The following RNF152 variants were observed in gnomAD, a reference collection of about 807,000 sequenced individuals.
RNF152 encodes E3 ubiquitin-protein ligase RNF152.
In RNF152, 11 loss-of-function variants were observed where a neutral mutation model predicts 12.7. The ratio of observed to expected loss-of-function variants is 0.86; its 90% CI spans 0.54 to 1.43. RNF152 has a LOEUF of 1.43. RNF152 is among the 40% of genes most tolerant of loss of function. The pLI is 0.00. For synonymous variants in RNF152, 113 were observed against 120.3 expected (o/e 0.94, Z 0.40); for missense variants, 255 against 274.8 (o/e 0.93, Z 0.51).
chr18:61,844,413 A>G (rs576188457), intron 1 of RNF152, among the ~76,000 whole-genome samples: 1 of 152,358 alleles, frequency 6.6e-6, no homozygotes, highest in East Asian at 1.9e-4. Flanking sequence ...GTAACAGACT[A>G]TTGGAAAATC....
chr18:61,824,424 C>T (rs1909565991), intron 1 of RNF152, among the ~76,000 whole-genome samples: 1 of 152,356 alleles, frequency 6.6e-6, no homozygotes, highest in African/African-American at 2.4e-5. Flanking sequence ...TTATTCTATG[C>T]TTCTCATCCC....
intron 1 of RNF152, among the ~76,000 whole-genome samples, chr18:61,880,088 G>GC (rs1481558823): frequency 1.3e-5 from 2 of 152,002 alleles, no homozygotes; most frequent in Non-Finnish European, 2.9e-5. Context: ...CAATTAAGTG[G>GC]CCCTTCTAGA....
Position 61,844,233 on chromosome 18 carries a change from G to A in RNF152, c.-135-27635C>T, listed in dbSNP as rs544531188. On this transcript the variant is annotated intron_variant, in intron 1 of 1. Transcript: ENST00000312828. ...AAGGAGGGAGGGAAGGAGGGAGACG[G>A]GAGGGGAGGGGAGGGCAGGCCCCAT... is the stretch of plus-strand genomic sequence containing the variant. 2.2e-5 allele frequency among the ~76,000 whole-genome samples: 3 copies of A among 139,494 alleles called. 1 individual carries two copies. The highest frequency in any genetic ancestry group is 4.4e-5 in the Non-Finnish European group (3 of 67,518). 91.5% of individuals were successfully genotyped at this position (139,494 alleles called of 152,430 possible).
At chr18:61,851,030 AT>A (rs1425032499) in intron 1 of RNF152, among the ~76,000 whole-genome samples, 2 of 151,694 alleles carry the variant, frequency 1.3e-5, no homozygotes, top group Non-Finnish European at 2.9e-5. Flanking sequence ...CACCAGGTGC[AT>A]CAGCCAGTGA....
intron 1 of RNF152, among the ~76,000 whole-genome samples, chr18:61,877,458 T>C (rs571540940): frequency 6.6e-6 from 1 of 152,296 alleles, no homozygotes; most frequent in South Asian, 2.1e-4. Context: ...CTGTCACTGT[T>C]CCCAAAAAAT....
intron 1 of RNF152, among the ~76,000 whole-genome samples, chr18:61,855,257 T>A (rs1911169379): frequency 6.6e-6 from 1 of 152,264 alleles, no homozygotes; most frequent in Non-Finnish European, 1.5e-5. Context: ...GTAAGAGAAT[T>A]CTGGTTTACC....
At chr18:61,853,659 T>C (rs1273301903) in intron 1 of RNF152, among the ~76,000 whole-genome samples, 1 of 152,186 alleles carries the variant, frequency 6.6e-6, no homozygotes, top group Non-Finnish European at 1.5e-5. Context: ...TTCCTCACAT[T>C]ACTGTTGTTC....
At chr18:61,830,824 G>T (rs1294981196) in intron 1 of RNF152, among the ~76,000 whole-genome samples, 2 of 152,174 alleles carry the variant, frequency 1.3e-5, no homozygotes, top group African/African-American at 4.8e-5. Context: ...AAGCATTTTT[G>T]AGGGGTACAG....
Position 61,816,194 on chromosome 18 carries a change from G to T in RNF152, c.270C>A (p.Val90=). The T allele has an allele frequency of 6.2e-7, 1 of 1,614,246 alleles. No individual in the cohort carries two copies. Among genetic ancestry groups the T allele is most frequent in the Non-Finnish European group, 8.5e-7 (1 of 1,180,042 alleles). Residue 90 remains valine (V), a synonymous_variant, in exon 2 of 2, where the codon GTC becomes GTA. Coordinates refer to ENST00000312828, the MANE Select transcript of RNF152 (RefSeq NM_173557.3). The part of the protein sequence containing the change: ...AIPHTSEHTP[V]FIKLPSNGCY... ...ACCCATTGCTGGGAAGTTTGATGAA[G>T]ACCGGGGTGTGTTCGGAAGTGTGTG... is the stretch of plus-strand genomic sequence containing the variant.
At chr18:61,854,492 G>A (rs1013085087) in intron 1 of RNF152, among the ~76,000 whole-genome samples, 2 of 152,152 alleles carry the variant, frequency 1.3e-5, no homozygotes, top group Non-Finnish European at 2.9e-5. Flanking sequence ...AATTACACAG[G>A]AAACCATCCT....
intron 1 of RNF152, among the ~76,000 whole-genome samples, chr18:61,828,892 T>C (rs1395833630): frequency 6.6e-6 from 1 of 152,102 alleles, no homozygotes; most frequent in Non-Finnish European, 1.5e-5. Context: ...TACAGTCATG[T>C]GATTGATACT....
rs187566875 is a variant in RNF152 at position 61,808,884 on chromosome 18, C to T, written c.*6968G>A. On this transcript the variant is annotated 3_prime_UTR_variant, in exon 2 of 2. Coordinates refer to ENST00000312828, the MANE Select transcript of RNF152 (RefSeq NM_173557.3). ...GAAATTGCCTAGTGTGCTAACAATC[C>T]AAACCACGAGCATAGGATAGGGTGA... The T allele has an allele frequency of 1.3e-5, 2 of 152,270 alleles. No homozygotes were observed. The highest frequency in any genetic ancestry group is 6.5e-5 in the Admixed American group (1 of 15,298). The allele number at this position is 152,270 out of a possible 1,614,324, so 9.4% of individuals were successfully genotyped here. A position where few individuals can be genotyped will look rare whatever the true frequency, so the allele number is the denominator to read the frequency against.
chr18:61,820,202 G>A (rs1462355153), intron 1 of RNF152, among the ~76,000 whole-genome samples: 8 of 148,884 alleles, frequency 5.4e-5, no homozygotes, highest in South Asian at 2.1e-4. Context: ...GGTGGCGGAC[G>A]CCTGTAGTCC....
At position 61,815,239 on chromosome 18, in the gene RNF152, A is replaced by C. The variant is rs1195420163; in HGVS notation, c.*613T>G. The C allele has an allele frequency of 6.5e-6, 1 of 152,672 alleles. No individual in the cohort carries two copies. The highest frequency in any genetic ancestry group is 1.5e-5 in the Non-Finnish European group (1 of 68,050). The allele number at this position is 152,672 out of a possible 1,614,324, so 9.5% of individuals were successfully genotyped here. A position where few individuals can be genotyped will look rare whatever the true frequency, so the allele number is the denominator to read the frequency against. On this transcript the variant is annotated 3_prime_UTR_variant, in exon 2 of 2. Coordinates refer to ENST00000312828, the MANE Select transcript of RNF152 (RefSeq NM_173557.3). ...TTACAAGTGAAGAAAATGAAGGTTC[A>C]TGACAAAACACAACACATTGGAGAC...
chr18:61,845,510 A>C (rs1910705879), intron 1 of RNF152, among the ~76,000 whole-genome samples: 1 of 152,236 alleles, frequency 6.6e-6, no homozygotes, highest in South Asian at 2.1e-4. Flanking sequence ...AGTTAGGTGC[A>C]GAAGTTTGAA....
At position 61,815,711 on chromosome 18, in the gene RNF152, T is replaced by C. The variant is rs1227894591; in HGVS notation, c.*141A>G. The C allele has an allele frequency of 4.2e-5, 35 of 838,690 alleles. No homozygotes were observed. Among genetic ancestry groups the C allele is most frequent in the Admixed American group, 9.5e-5 (4 of 41,900 alleles). 52.0% of individuals were successfully genotyped at this position (838,690 alleles called of 1,614,324 possible). On this transcript the variant is annotated 3_prime_UTR_variant, in exon 2 of 2. Coordinates refer to ENST00000312828, the MANE Select transcript of RNF152 (RefSeq NM_173557.3). ...CACCTTCTGCCCTTTGTGTCTGTCTTGGGGTAATCAAGAGGCAACCCAGAG... is the reference window on the plus strand; with the variant it reads ...CACCTTCTGCCCTTTGTGTCTGTCTCGGGGTAATCAAGAGGCAACCCAGAG...
chr18:61,856,843 C>T (rs1223210530), intron 1 of RNF152, among the ~76,000 whole-genome samples: 1 of 152,082 alleles, frequency 6.6e-6, no homozygotes, highest in East Asian at 1.9e-4. Flanking sequence ...AGGAAAAAAG[C>T]GACAGGAAAA....
intron 1 of RNF152, among the ~76,000 whole-genome samples, chr18:61,855,120 A>C (rs1911161599): frequency 6.6e-6 from 1 of 152,240 alleles, no homozygotes; most frequent in Non-Finnish European, 1.5e-5. Flanking sequence ...ACACAATTAT[A>C]ACCAGTGGGA....
At chr18:61,828,909 G>A (rs1373006844) in intron 1 of RNF152, among the ~76,000 whole-genome samples, 1 of 152,108 alleles carries the variant, frequency 6.6e-6, no homozygotes, top group African/African-American at 2.4e-5. Context: ...TACTTCACGC[G>A]GGAGTATCAG....
Sources: allele counts gnomAD v4.1 joint callset (sites outside exome capture counted in the v4.1 genomes callset), GRCh38; gene constraint gnomAD v4.1.1; transcripts MANE v1.5; gene names NCBI Gene and HGNC (gene_info 2026-07-23, HGNC 2026-07-21).